Variants in NRXN3 observed in about 807,000 individuals in gnomAD.
The protein encoded by NRXN3 is neurexin 3.
A neutral mutation model predicts 137.6 loss-of-function variants in NRXN3; 32 were observed. The observed-to-expected ratio is 0.23, with a 90% CI of 0.18 to 0.31. The LOEUF is 0.31. Among genes scored for constraint, NRXN3 ranks in the 10% least tolerant of loss-of-function variants. The pLI is 1.00. For missense variants in NRXN3, 1,574 were observed against 2,062.5 expected, an observed-to-expected ratio of 0.76 and a Z score of 4.59; for synonymous variants, 798 against 784.5, an observed-to-expected ratio of 1.02 and a Z score of -0.29.
chr14:79,083,158 G>A (rs796474108), intron 15 of NRXN3, among the ~76,000 whole-genome samples: 3 of 152,280 alleles, frequency 2.0e-5, no homozygotes, highest in African/African-American at 7.2e-5. Context: ...TAAGCTTGTT[G>A]TTCCTGAGGC....
intron 16 of NRXN3, among the ~76,000 whole-genome samples, chr14:79,471,816 T>C (rs1175116144): frequency 6.6e-6 from 1 of 152,198 alleles, no homozygotes; most frequent in Non-Finnish European, 1.5e-5. Context: ...AGTTGAGTGC[T>C]ATGAGCACTT....
chr14:79,462,540 C>T (rs2096360586), intron 15 of NRXN3, among the ~76,000 whole-genome samples: 1 of 149,484 alleles, frequency 6.7e-6, no homozygotes, highest in Non-Finnish European at 1.5e-5. Context: ...TAAAAAAATA[C>T]ATGAATGAGA....
intron 19 of NRXN3, among the ~76,000 whole-genome samples, chr14:79,728,182 A>T (rs2098903430): frequency 6.6e-6 from 1 of 152,150 alleles, no homozygotes; most frequent in Non-Finnish European, 1.5e-5. Flanking sequence ...AAGCAAAAGT[A>T]ACTACCTGGA....
intron 10 of NRXN3, among the ~76,000 whole-genome samples, chr14:78,890,186 T>C (rs1026855205): frequency 1.3e-5 from 2 of 151,962 alleles, no homozygotes; most frequent in Non-Finnish European, 2.9e-5. Context: ...AATTTTTTAA[T>C]GGCAGCCATG....
At chr14:79,677,173 TA>T (rs2098645242) in intron 17 of NRXN3, among the ~76,000 whole-genome samples, 1 of 152,046 alleles carries the variant, frequency 6.6e-6, no homozygotes, top group South Asian at 2.1e-4. Context: ...TTTATTGAAA[TA>T]TTTTTTATAT....
intron 15 of NRXN3, among the ~76,000 whole-genome samples, chr14:79,446,075 C>T (rs569754530): frequency 6.6e-6 from 1 of 152,218 alleles, no homozygotes; most frequent in South Asian, 2.1e-4. Context: ...GACAGGTCTC[C>T]AGCTTTATTG....
chr14:79,603,677 C>T (rs957011091), intron 16 of NRXN3, among the ~76,000 whole-genome samples: 1 of 151,050 alleles, frequency 6.6e-6, no homozygotes, highest in Admixed American at 6.6e-5. Flanking sequence ...TTAACTAGTA[C>T]CTTGCACAGA....
chr14:78,326,468 G>T (rs2080092401), intron 4 of NRXN3, among the ~76,000 whole-genome samples: 1 of 152,186 alleles, frequency 6.6e-6, no homozygotes, highest in Non-Finnish European at 1.5e-5. Flanking sequence ...GTTCCGTTTT[G>T]GATTCCTCAG....
chr14:79,320,216 A>G (rs1209532320), intron 15 of NRXN3, among the ~76,000 whole-genome samples: 1 of 152,234 alleles, frequency 6.6e-6, no homozygotes, highest in Non-Finnish European at 1.5e-5. Context: ...ATGAAATGCT[A>G]TTCATAAAAG....
chr14:79,016,095 G>A (rs2099578724), intron 15 of NRXN3, among the ~76,000 whole-genome samples: 2 of 151,994 alleles, frequency 1.3e-5, no homozygotes, highest in Admixed American at 1.3e-4. Context: ...TGCTCTTTCT[G>A]CCTGATGTAG....
chr14:79,832,036 C>T (rs755055630), intron 20 of NRXN3, among the ~76,000 whole-genome samples: 70 of 152,200 alleles, frequency 4.6e-4, no homozygotes, highest in Non-Finnish European at 6.9e-4. Context: ...AATCTGCAGA[C>T]GCTCAAATCT....
chr14:79,117,914 G>A (rs1198444842), intron 15 of NRXN3, among the ~76,000 whole-genome samples: 9 of 152,158 alleles, frequency 5.9e-5, no homozygotes, highest in Non-Finnish European at 8.8e-5. Context: ...GCCTGAGTGT[G>A]TGCTTAGGGG....
At chr14:78,705,123 C>T (rs1423968684) in intron 6 of NRXN3, among the ~76,000 whole-genome samples, 1 of 152,176 alleles carries the variant, frequency 6.6e-6, no homozygotes, top group Non-Finnish European at 1.5e-5. Flanking sequence ...GTCTGTGTGA[C>T]ATCTTCCCCC....
chr14:79,822,875 G>A (rs1340208091), intron 20 of NRXN3, among the ~76,000 whole-genome samples: 1 of 152,052 alleles, frequency 6.6e-6, no homozygotes, highest in Admixed American at 6.5e-5. Flanking sequence ...ATAACTAGAA[G>A]GCCAAGATCA....
intron 19 of NRXN3, among the ~76,000 whole-genome samples, chr14:79,770,956 C>T (rs539282723): frequency 1.3e-5 from 2 of 152,094 alleles, no homozygotes; most frequent in South Asian, 2.1e-4. Context: ...ACCACCGATC[C>T]CACAGAAATA....
At chr14:78,368,932 G>C (rs1186684113) in intron 4 of NRXN3, among the ~76,000 whole-genome samples, 2 of 152,164 alleles carry the variant, frequency 1.3e-5, no homozygotes, top group African/African-American at 2.4e-5. Flanking sequence ...ATTTGTCTGT[G>C]TTCTACAAAT....
chr14:79,852,234 A>AACACACACACACACACACACAC (rs45581833), intron 20 of NRXN3, among the ~76,000 whole-genome samples: 42 of 128,264 alleles, frequency 3.3e-4, no homozygotes, highest in African/African-American at 6.6e-4. Context: ...TTCAACTCCC[A>AACACACACACACACACACACAC]ACACACACAC....
intron 4 of NRXN3, among the ~76,000 whole-genome samples, chr14:78,562,187 A>G (rs778304574): frequency 6.6e-6 from 1 of 152,000 alleles, no homozygotes; most frequent in Non-Finnish European, 1.5e-5. Context: ...TCATGAGGTC[A>G]GGAGATTGAG....
In NRXN3 at chr14:78,456,588, C is replaced by G. The variant is rs138053886; in HGVS notation, c.757+158728C>G. ...ACTTCATTTCTTTTTCTTTCTTCAT[C>G]CGGCTTTCTCTTACCTTCTTATCAT... is the stretch of plus-strand genomic sequence containing the variant. On this transcript the variant is annotated intron_variant, in intron 4 of 20. Transcript: ENST00000335750. Among the ~76,000 whole-genome samples the G allele has an allele frequency of 2.2e-3, 332 of 152,262 alleles. 2 individuals are homozygous for G. Among genetic ancestry groups the G allele is most frequent in the African/African-American group, 7.5e-3 (310 of 41,536 alleles).
Sources: gnomAD v4.1 joint callset for allele counts (sites outside exome capture counted in the v4.1 genomes callset) on GRCh38, gnomAD v4.1.1 for gene constraint, MANE v1.5 for transcripts, NCBI Gene and HGNC (gene_info 2026-07-23, HGNC 2026-07-21) for gene names.